The following PTPRZ1 variants were observed in gnomAD, a reference collection of about 807,000 sequenced individuals.
PTPRZ1 encodes the protein receptor-type tyrosine-protein phosphatase zeta.
PTPRZ1 carries 82 observed loss-of-function variants against 214.1 expected under a neutral mutation model. The observed-to-expected ratio is 0.38, with a 90% CI of 0.32 to 0.46. The LOEUF is 0.46. PTPRZ1 is among the 20% of genes least tolerant of loss of function. PTPRZ1 has a pLI of 1.00. For synonymous variants in PTPRZ1, 945 were observed against 987.9 expected (o/e 0.96, Z 0.81); for missense variants, 2,603 against 2,748.7 (o/e 0.95, Z 1.19).
intron 15 of PTPRZ1, among the ~76,000 whole-genome samples, chr7:122,032,755 A>C (rs946873155): frequency 6.6e-6 from 1 of 152,240 alleles, no homozygotes; most frequent in Admixed American, 6.5e-5. Context: ...TAAAAATAAT[A>C]GAAGCCAATT....
At chr7:122,046,996 G>T (rs952680560) in intron 23 of PTPRZ1, among the ~76,000 whole-genome samples, 1 of 152,192 alleles carries the variant, frequency 6.6e-6, no homozygotes, top group Non-Finnish European at 1.5e-5. Flanking sequence ...ACAAAGGAAA[G>T]GGGGGAAAGT....
At position 122,039,440 on chromosome 7, in the gene PTPRZ1, A is replaced by G. The variant is rs182320535; in HGVS notation, c.5503-14A>G. 3.7e-4 allele frequency: 588 copies of G among 1,607,108 alleles called. 2 individuals carry two copies. In the African/African-American group the frequency reaches 7.1e-3, roughly 19 times the overall value. Reference sequence around the variant, plus strand: ...TTTGAAATACAGAAGTAACATCTACATTTTCTTTTGCAGAGAAAATGTGAT... The same window carrying G: ...TTTGAAATACAGAAGTAACATCTACGTTTTCTTTTGCAGAGAAAATGTGAT... On this transcript the variant is annotated splice_polypyrimidine_tract_variant and intron_variant, in intron 19 of 29. Transcript: ENST00000393386.
In PTPRZ1 at chr7:121,973,510, G is replaced by C. The variant is rs570792472; in HGVS notation, c.456+818G>C. The stretch of plus-strand genomic sequence containing the variant: ...TCCACCATTTGGTTATTGGTTACAT[G>C]ACATACAATATATAAATTATTTAAC... On this transcript the variant is annotated intron_variant, in intron 4 of 29. Coordinates refer to ENST00000393386, the MANE Select transcript of PTPRZ1 (RefSeq NM_002851.3). Among the ~76,000 whole-genome samples the C allele has an allele frequency of 4.6e-5, 7 of 152,174 alleles. No individual in the cohort carries two copies. In the South Asian group the frequency reaches 1.2e-3, roughly 27 times the overall value.
At chr7:121,997,006 G>A (rs577483679) in intron 9 of PTPRZ1, among the ~76,000 whole-genome samples, 3 of 152,274 alleles carry the variant, frequency 2.0e-5, no homozygotes, top group Non-Finnish European at 4.4e-5. Flanking sequence ...GATAACAGCT[G>A]GGAAGTCATG....
At chr7:121,998,050 G>A in intron 10 of PTPRZ1, 44 bp downstream of exon 10, 3 of 1,575,904 alleles carry the variant, frequency 1.9e-6, no homozygotes, top group Middle Eastern at 3.3e-4. Context: ...CAATAAATGA[G>A]GTTAGTTTAA....
chr7:121,933,527 G>A (rs944911945), intron 2 of PTPRZ1, among the ~76,000 whole-genome samples: 1 of 151,894 alleles, frequency 6.6e-6, no homozygotes, highest in Non-Finnish European at 1.5e-5. Flanking sequence ...AAGTATGGCT[G>A]TTCTGGTCAC....
intron 2 of PTPRZ1, among the ~76,000 whole-genome samples, chr7:121,940,797 C>A (rs1350116127): frequency 6.6e-6 from 1 of 151,618 alleles, no homozygotes; most frequent in Non-Finnish European, 1.5e-5. Flanking sequence ...TCCCCATCAC[C>A]TGCCAAATGA....
intron 1 of PTPRZ1, among the ~76,000 whole-genome samples, chr7:121,883,664 T>C (rs1380487621): frequency 6.6e-6 from 1 of 152,240 alleles, no homozygotes; most frequent in African/African-American, 2.4e-5. Flanking sequence ...TTCACTCTTG[T>C]TGCCCAGGCT....
intron 8 of PTPRZ1, among the ~76,000 whole-genome samples, chr7:121,990,446 T>A: frequency 6.6e-6 from 1 of 151,516 alleles, no homozygotes; most frequent in East Asian, 1.9e-4. Context: ...GAATGGACAC[T>A]GGCTCTTCTA....
At chr7:121,965,824 C>G (rs1402677612) in intron 2 of PTPRZ1, among the ~76,000 whole-genome samples, 2 of 152,136 alleles carry the variant, frequency 1.3e-5, no homozygotes, top group African/African-American at 4.8e-5. Flanking sequence ...ATAGAAGGCA[C>G]TAGTGGAGTC....
At chr7:121,879,810 C>T (rs1794179974) in intron 1 of PTPRZ1, among the ~76,000 whole-genome samples, 1 of 151,758 alleles carries the variant, frequency 6.6e-6, no homozygotes, top group East Asian at 1.9e-4. Flanking sequence ...TTTTTCCTTC[C>T]TTCCCCTTTC....
At chr7:121,908,228 T>G (rs1020777712) in intron 1 of PTPRZ1, among the ~76,000 whole-genome samples, 5 of 152,090 alleles carry the variant, frequency 3.3e-5, no homozygotes, top group African/African-American at 1.2e-4. Flanking sequence ...CCTGACCACA[T>G]AGTTACCTTA....
At chr7:121,935,847 T>C (rs533070134) in intron 2 of PTPRZ1, among the ~76,000 whole-genome samples, 4 of 152,136 alleles carry the variant, frequency 2.6e-5, no homozygotes, top group Non-Finnish European at 5.9e-5. Context: ...GGATTACAGG[T>C]ATGAGCCACC....
At position 122,054,054 on chromosome 7, in the gene PTPRZ1, C is replaced by T. The variant is rs1466307589; in HGVS notation, c.6381+16C>T. On this transcript the variant is annotated intron_variant, in intron 26 of 29. Coordinates refer to ENST00000393386, the MANE Select transcript of PTPRZ1 (RefSeq NM_002851.3). ...CCAAAACATGGTAAGTCCCTTAGAC[C>T]ACTTTTGGGACTTCCTTTACAGAGG... The T allele has an allele frequency of 2.5e-6, 4 of 1,611,516 alleles. No homozygotes were observed. The highest frequency in any genetic ancestry group is 1.7e-4 in the Middle Eastern group (1 of 6,034).
At chr7:121,898,228 G>A (rs1794859143) in intron 1 of PTPRZ1, among the ~76,000 whole-genome samples, 2 of 150,208 alleles carry the variant, frequency 1.3e-5, no homozygotes, top group African/African-American at 2.5e-5. Flanking sequence ...TCACTTCAGA[G>A]AAGATTTCTT....
intron 14 of PTPRZ1, among the ~76,000 whole-genome samples, chr7:122,028,896 G>A (rs1199433340): frequency 2.0e-5 from 3 of 151,922 alleles, no homozygotes; most frequent in East Asian, 3.9e-4. Flanking sequence ...GGTGTATTAT[G>A]TTAAAAACAT....
At chr7:122,033,786 T>G (rs1409075030) in intron 15 of PTPRZ1, 8 of 339,520 alleles carry the variant, frequency 2.4e-5, no homozygotes, top group Non-Finnish European at 2.6e-5. Flanking sequence ...CTGACTAATA[T>G]GACAAAATGT....
chr7:121,957,676 A>G (rs887142500), intron 2 of PTPRZ1, among the ~76,000 whole-genome samples: 1 of 152,174 alleles, frequency 6.6e-6, no homozygotes. Flanking sequence ...TTTAATTTGC[A>G]CAGTCTGAGA....
intron 12 of PTPRZ1, among the ~76,000 whole-genome samples, chr7:122,018,066 A>G (rs1798898976): frequency 6.6e-6 from 1 of 152,208 alleles, no homozygotes; most frequent in Admixed American, 6.5e-5. Flanking sequence ...TCTGTCTCCT[A>G]TTACTTAAGC....
Sources: allele counts gnomAD v4.1 joint callset (sites outside exome capture counted in the v4.1 genomes callset), GRCh38; gene constraint gnomAD v4.1.1; transcripts MANE v1.5; gene names NCBI Gene and HGNC (gene_info 2026-07-23, HGNC 2026-07-21).